The following USP14 variants were observed in gnomAD, a reference collection of about 807,000 sequenced individuals.
USP14 encodes ubiquitin carboxyl-terminal hydrolase 14.
Under a neutral mutation model 76.5 loss-of-function variants are expected in USP14, and 38 were observed. That is an observed-to-expected ratio of 0.50 (90% confidence interval 0.38 to 0.65). The LOEUF (loss-of-function observed/expected upper bound fraction) is 0.65, where lower values mean the gene tolerates loss of function less well. USP14 is among the 30% of genes least tolerant of loss of function. The pLI, the probability that USP14 is intolerant of heterozygous loss-of-function variation, is 0.00. For synonymous variants in USP14, 192 were observed against 191.7 expected (o/e 1.00, Z -0.01); for missense variants, 467 against 586.5 (o/e 0.80, Z 2.10).
intron 10 of USP14, 64 bp downstream of exon 10, chr18:199,380 CATT>C: frequency 8.6e-7 from 1 of 1,165,674 alleles, no homozygotes; most frequent in Non-Finnish European, 1.3e-6. Context: ...AAGCCAAAGT[CATT>C]ATTCACTGGG....
intron 14 of USP14, 151 bp from the exon 15 acceptor site, chr18:210,235 A>T (rs1189330856): frequency 1.4e-6 from 1 of 701,316 alleles, no homozygotes; most frequent in Non-Finnish European, 2.3e-6. Flanking sequence ...AACATCAATC[A>T]TGAAGCCTTA....
At chr18:171,025 A>AAAAAAAATATATATAT (rs1327304974) in intron 3 of USP14, among the ~76,000 whole-genome samples, 10 of 47,636 alleles carry the variant, frequency 2.1e-4, no homozygotes, top group African/African-American at 8.7e-4. Context: ...AAAAAAAAAA[A>AAAAAAAATATATATAT]ATATATATAT....
chr18:189,833 G>A (rs1400485222), intron 5 of USP14, among the ~76,000 whole-genome samples: 1 of 152,112 alleles, frequency 6.6e-6, no homozygotes, highest in Non-Finnish European at 1.5e-5. Context: ...AATTATAAGT[G>A]TACAACTCAA....
intron 5 of USP14, among the ~76,000 whole-genome samples, chr18:190,297 A>G (rs1910051761): frequency 6.6e-6 from 1 of 152,210 alleles, no homozygotes; most frequent in Non-Finnish European, 1.5e-5. Context: ...TTGGGTATAT[A>G]TGAGTATGTA....
At chr18:163,227 T>A in intron 1 of USP14, 81 bp from the exon 2 acceptor site, 1 of 1,325,504 alleles carries the variant, frequency 7.5e-7, no homozygotes, top group Non-Finnish European at 1.0e-6. Flanking sequence ...TCCCGATAAC[T>A]GCCTAATTGG....
At chr18:173,472 C>T (rs1400839783) in intron 3 of USP14, among the ~76,000 whole-genome samples, 3 of 151,144 alleles carry the variant, frequency 2.0e-5, no homozygotes, top group Non-Finnish European at 2.9e-5. Flanking sequence ...AGTGCAATGG[C>T]GTGATCTCAG....
At chr18:188,252 T>G (rs1271252569) in intron 5 of USP14, among the ~76,000 whole-genome samples, 1 of 152,190 alleles carries the variant, frequency 6.6e-6, no homozygotes, top group Non-Finnish European at 1.5e-5. Flanking sequence ...ATTTGTTTAC[T>G]GGAGGTTTTT....
chr18:199,257 C>T lies in USP14; in HGVS notation c.817C>T (p.Leu273Phe). ...AGTCACCAAAGGAAAGGAAAATCAA[C>T]TTCAGCTTAGCTGTTTTATCAATCA... ...EEVTKGKENQ[L>F]QLSCFINQEV... is the part of the protein sequence containing the mutation. Residue 273 changes from leucine (L) to phenylalanine (F), a missense_variant, in exon 10 of 16, where the codon CTT (leucine) becomes TTT (phenylalanine). By Grantham distance (22) the Leu-to-Phe change is conservative. Coordinates refer to ENST00000261601, the MANE Select transcript of USP14 (RefSeq NM_005151.4). The T allele has an allele frequency of 6.2e-7, 1 of 1,613,964 alleles. No individual in the cohort carries two copies. The highest frequency in any genetic ancestry group is 8.5e-7 in the Non-Finnish European group (1 of 1,179,884).
chr18:169,572 A>G (rs145899952), intron 3 of USP14, among the ~76,000 whole-genome samples: 2,609 of 151,858 alleles, frequency 0.017, 45 homozygotes, highest in Non-Finnish European at 0.025. Context: ...GCAGTTCTCA[A>G]ATTTCTTGGT....
intron 5 of USP14, among the ~76,000 whole-genome samples, chr18:184,282 C>T (rs918489673): frequency 1.3e-5 from 2 of 151,958 alleles, no homozygotes; most frequent in South Asian, 2.1e-4. Context: ...CACTTACTAA[C>T]GTAATTGATA....
At chr18:202,174 A>G (rs1371348896) in intron 10 of USP14, among the ~76,000 whole-genome samples, 1 of 152,240 alleles carries the variant, frequency 6.6e-6, no homozygotes, top group Non-Finnish European at 1.5e-5. Context: ...AATAGTAGTG[A>G]ATGTTTGTTA....
chr18:180,838 T>C lies in USP14; in HGVS notation c.404+499T>C, dbSNP rs375347298. Reference sequence around the variant, plus strand: ...TAACACCTCATTCCTATTTTATGGCTGAATAGTATTTCATGGTTCATTCAC... The same window carrying C: ...TAACACCTCATTCCTATTTTATGGCCGAATAGTATTTCATGGTTCATTCAC... On this transcript the variant is annotated intron_variant, in intron 5 of 15. Transcript: ENST00000261601. Among the ~76,000 whole-genome samples the C allele has an allele frequency of 3.2e-4, 49 of 151,400 alleles. No homozygotes were observed. In the East Asian group the frequency reaches 9.3e-3, roughly 29 times the overall value.
At chr18:169,182 G>A (rs1909367510) in intron 3 of USP14, among the ~76,000 whole-genome samples, 1 of 151,674 alleles carries the variant, frequency 6.6e-6, no homozygotes, top group African/African-American at 2.4e-5. Context: ...CTTAAGGTCA[G>A]GAGTTCGAGA....
intron 1 of USP14, 163 bp from the exon 2 acceptor site, chr18:163,143 GCA>G: frequency 1.8e-6 from 1 of 546,512 alleles, no homozygotes; most frequent in East Asian, 3.2e-5. Context: ...ATTTTATTCA[GCA>G]CCTACTGCAT....
At chr18:173,935 C>A (rs1204930420) in intron 3 of USP14, among the ~76,000 whole-genome samples, 1 of 152,152 alleles carries the variant, frequency 6.6e-6, no homozygotes, top group African/African-American at 2.4e-5. Flanking sequence ...TACCTTTGTA[C>A]CAGTACCCAT....
chr18:176,099 T>C (rs781399378), intron 3 of USP14, among the ~76,000 whole-genome samples: 29 of 152,264 alleles, frequency 1.9e-4, no homozygotes, highest in African/African-American at 5.5e-4. Context: ...CAAATTATGA[T>C]TTGTCTGTTT....
chr18:161,661 G>T (rs1909122587), intron 1 of USP14, among the ~76,000 whole-genome samples: 1 of 151,982 alleles, frequency 6.6e-6, no homozygotes, highest in Non-Finnish European at 1.5e-5. Context: ...CATATTAATT[G>T]AACTGATGAT....
At chr18:180,393 T>G in intron 5 of USP14, 54 bp downstream of exon 5, 3 of 1,066,656 alleles carry the variant, frequency 2.8e-6, no homozygotes, top group South Asian at 1.5e-5. Flanking sequence ...ATGAGTAGTA[T>G]TGTTTTGTTT....
At chr18:170,531 A>G (rs1464519282) in intron 3 of USP14, among the ~76,000 whole-genome samples, 1 of 152,218 alleles carries the variant, frequency 6.6e-6, no homozygotes, top group Admixed American at 6.5e-5. Flanking sequence ...TTATAATTTA[A>G]AAGATAAGTT....
Sources: allele counts gnomAD v4.1 joint callset (sites outside exome capture counted in the v4.1 genomes callset), GRCh38; gene constraint gnomAD v4.1.1; transcripts MANE v1.5; gene names NCBI Gene and HGNC (gene_info 2026-07-23, HGNC 2026-07-21).